TOX: variants seen among roughly 807,000 people sequenced by gnomAD.
TOX encodes the protein thymocyte selection-associated high mobility group box protein TOX.
A neutral mutation model predicts 53.7 loss-of-function variants in TOX; 11 were observed. That is an observed-to-expected ratio of 0.20 (90% CI 0.13 to 0.34). TOX has a LOEUF of 0.34. Ranked by LOEUF, TOX falls within the 10% of genes least tolerant of loss-of-function variation. The pLI is 1.00. For missense variants in TOX, 570 were observed against 664.6 expected (o/e 0.86, Z 1.56); for synonymous variants, 225 against 245.3 (o/e 0.92, Z 0.77).
At chr8:58,930,494 G>C (rs1393264879) in intron 3 of TOX, among the ~76,000 whole-genome samples, 1 of 152,202 alleles carries the variant, frequency 6.6e-6, no homozygotes, top group South Asian at 2.1e-4. Flanking sequence ...AGTTAATGCT[G>C]AGTGTTAATG....
At chr8:58,975,415 T>C (rs1264757035) in intron 1 of TOX, among the ~76,000 whole-genome samples, 2 of 152,190 alleles carry the variant, frequency 1.3e-5, no homozygotes, top group Non-Finnish European at 2.9e-5. Context: ...ATTTGGAATG[T>C]ATTTCATACT....
chr8:58,891,142 A>G (rs760360108), intron 3 of TOX, among the ~76,000 whole-genome samples: 1 of 152,110 alleles, frequency 6.6e-6, no homozygotes, highest in Non-Finnish European at 1.5e-5. Flanking sequence ...AGATGGAGCA[A>G]ATACGTGAGA....
intron 7 of TOX, among the ~76,000 whole-genome samples, chr8:58,810,444 G>C (rs1250657796): frequency 6.6e-6 from 1 of 152,046 alleles, no homozygotes; most frequent in Non-Finnish European, 1.5e-5. Flanking sequence ...GGGCTCAAGC[G>C]ATCCTTCCAC....
rs75364109 is a variant in TOX at position 59,050,758 on chromosome 8, T to C, written c.102+68128A>G. On this transcript the variant is annotated intron_variant, in intron 1 of 8. Transcript: ENST00000361421. ...GTGCTAAGTATTTTTTCATCCTTTG[T>C]AATCTCATTTTGACAGAACTGAATT... Among the ~76,000 whole-genome samples the C allele has an allele frequency of 6.6e-3, 1,009 of 152,288 alleles. 14 individuals are homozygous for C. The highest frequency in any genetic ancestry group is 0.023 in the African/African-American group (967 of 41,578).
chr8:58,872,045 T>C (rs1384555412), intron 3 of TOX, among the ~76,000 whole-genome samples: 2 of 152,006 alleles, frequency 1.3e-5, no homozygotes, highest in East Asian at 3.9e-4. Flanking sequence ...GCAGAAAATA[T>C]ACAAGATAAG....
At position 59,117,835 on chromosome 8, in the gene TOX, C is replaced by A. The variant is rs1298426888; in HGVS notation, c.102+1051G>T. 6.6e-6 allele frequency among the ~76,000 whole-genome samples: 1 copy of A among 152,240 alleles called. No homozygotes were observed. Among genetic ancestry groups the A allele is most frequent in the South Asian group, 2.1e-4 (1 of 4,834 alleles). ...GCCCAGCGTTTTAGAGAACTCAATT[C>A]TCTCTGCCAACGTTCATCCAACGGG... On this transcript the variant is annotated intron_variant, in intron 1 of 8. Coordinates refer to ENST00000361421, the MANE Select transcript of TOX (RefSeq NM_014729.3). This position sits in a 1 kb window ranked among gnomAD's most constrained non-coding sequence, Gnocchi z 4.6.
At chr8:58,819,958 C>T (rs1038241271) in intron 6 of TOX, among the ~76,000 whole-genome samples, 2 of 152,196 alleles carry the variant, frequency 1.3e-5, no homozygotes, top group Non-Finnish European at 2.9e-5. Flanking sequence ...AAAATTCTTT[C>T]TGCTCCATGC....
intron 1 of TOX, among the ~76,000 whole-genome samples, chr8:59,102,682 G>C (rs1804827180): frequency 6.6e-6 from 1 of 152,146 alleles, no homozygotes; most frequent in Non-Finnish European, 1.5e-5. Context: ...TGAGATTTGG[G>C]TGGGGACACA....
At position 58,898,788 on chromosome 8, in the gene TOX, A is replaced by AC. The variant is rs1266490171; in HGVS notation, c.411+40513dup. Among the ~76,000 whole-genome samples the AC allele has an allele frequency of 1.1e-4, 16 of 152,166 alleles. No homozygotes were observed. In the South Asian group the frequency reaches 1.7e-3, roughly 16 times the overall value. ...ACTGACTAAGATTCAGAGGAGGTCAACCCCTTCTGTGTCTTGACCTTGGGA... is the reference window on the plus strand; with the variant it reads ...ACTGACTAAGATTCAGAGGAGGTCAACCCCCTTCTGTGTCTTGACCTTGGGA... On this transcript the variant is annotated intron_variant, in intron 3 of 8. Transcript: ENST00000361421.
At chr8:58,852,996 T>C (rs908994729) in intron 3 of TOX, among the ~76,000 whole-genome samples, 3 of 152,200 alleles carry the variant, frequency 2.0e-5, no homozygotes, top group South Asian at 2.1e-4. Flanking sequence ...GTTTTTATGA[T>C]AGTAAAATCA....
At chr8:58,885,413 A>G (rs561525422) in intron 3 of TOX, among the ~76,000 whole-genome samples, 4 of 152,174 alleles carry the variant, frequency 2.6e-5, no homozygotes, top group African/African-American at 9.6e-5. Flanking sequence ...TCTTTTCTGG[A>G]TAGCTTTAAA....
At chr8:58,965,680 G>GA (rs1812881880) in intron 1 of TOX, among the ~76,000 whole-genome samples, 1 of 152,022 alleles carries the variant, frequency 6.6e-6, no homozygotes, top group Non-Finnish European at 1.5e-5. Flanking sequence ...CCTACAAAGG[G>GA]AAAAATCTTA....
chr8:58,942,916 C>T (rs908870500), intron 2 of TOX, among the ~76,000 whole-genome samples: 1 of 152,144 alleles, frequency 6.6e-6, no homozygotes, highest in Non-Finnish European at 1.5e-5. Context: ...CATCTGCTCC[C>T]CCTTCACCTT....
intron 1 of TOX, among the ~76,000 whole-genome samples, chr8:59,081,434 A>G (rs1411574737): frequency 6.6e-6 from 1 of 152,194 alleles, no homozygotes; most frequent in Admixed American, 6.5e-5. Context: ...AAATGTAGGT[A>G]TGGCTTCTAC....
At chr8:58,973,860 C>T (rs1044373368) in intron 1 of TOX, among the ~76,000 whole-genome samples, 4 of 151,806 alleles carry the variant, frequency 2.6e-5, no homozygotes, top group Non-Finnish European at 5.9e-5. Flanking sequence ...TGTAGTGGCG[C>T]GATCTCAGCT....
At chr8:58,875,029 G>A (rs1430712910) in intron 3 of TOX, among the ~76,000 whole-genome samples, 1 of 152,216 alleles carries the variant, frequency 6.6e-6, no homozygotes, top group Non-Finnish European at 1.5e-5. Flanking sequence ...AAACACTCAG[G>A]AGGAAGATTC....
At chr8:58,994,280 C>T (rs564395874) in intron 1 of TOX, among the ~76,000 whole-genome samples, 1 of 151,964 alleles carries the variant, frequency 6.6e-6, no homozygotes, top group Admixed American at 6.6e-5. Flanking sequence ...ATAGATGAAT[C>T]CATTCAAACT....
chr8:59,114,034 C>T (rs189864744), intron 1 of TOX, among the ~76,000 whole-genome samples: 1 of 152,256 alleles, frequency 6.6e-6, no homozygotes, highest in East Asian at 1.9e-4. Context: ...GTCTCACATA[C>T]CAAAACCAAC....
At chr8:58,940,071 G>A (rs1812411451) in intron 2 of TOX, among the ~76,000 whole-genome samples, 1 of 152,178 alleles carries the variant, frequency 6.6e-6, no homozygotes, top group South Asian at 2.1e-4. Context: ...GCATAAAAGT[G>A]TAGTTCCACT....
Sources: gnomAD v4.1 joint callset for allele counts (sites outside exome capture counted in the v4.1 genomes callset) on GRCh38, gnomAD v4.1.1 for gene constraint, Gnocchi (gnomAD v3.1) non-coding constraint, MANE v1.5 for transcripts, NCBI Gene and HGNC (gene_info 2026-07-23, HGNC 2026-07-21) for gene names.